ARHGAP6: variants seen among roughly 807,000 people sequenced by gnomAD.
ARHGAP6 encodes the protein rho GTPase-activating protein 6.
In ARHGAP6, 16 loss-of-function variants were observed where a neutral mutation model predicts 55.7. The observed-to-expected ratio is 0.29, with a 90% CI of 0.19 to 0.44. The LOEUF is 0.44. ARHGAP6 is among the 20% of genes least tolerant of loss of function. The pLI, the probability that ARHGAP6 is intolerant of heterozygous loss-of-function variation, is 1.00. For missense variants in ARHGAP6, 698 were observed against 808.9 expected (o/e 0.86, Z 1.66); for synonymous variants, 382 against 360.9 (o/e 1.06, Z -0.66).
At chrX:11,359,615 C>A (rs950956541) in intron 1 of ARHGAP6, among the ~76,000 whole-genome samples, 7 of 111,817 alleles carry the variant, frequency 6.3e-5, no homozygotes, top group African/African-American at 2.3e-4. Context: ...CCAGAGCAAA[C>A]ACATTCAAAA....
At chrX:11,359,025 A>C (rs541060930) in intron 1 of ARHGAP6, among the ~76,000 whole-genome samples, 45 of 112,425 alleles carry the variant, frequency 4.0e-4, no homozygotes, top group African/African-American at 1.4e-3. Flanking sequence ...TTGATTTAGA[A>C]GAATTCTGTA....
intron 1 of ARHGAP6, among the ~76,000 whole-genome samples, chrX:11,523,222 A>G (rs1228851981): frequency 9.0e-6 from 1 of 111,659 alleles, no homozygotes; most frequent in Non-Finnish European, 1.9e-5. Flanking sequence ...TTAGGTATTG[A>G]TGGGACATAT....
At chrX:11,178,816 ACCT>A (rs897823101) in intron 7 of ARHGAP6, among the ~76,000 whole-genome samples, 4 of 110,890 alleles carry the variant, frequency 3.6e-5, no homozygotes, top group African/African-American at 9.9e-5. Context: ...TCTCTCCTCT[ACCT>A]CCTCCTTTTT....
Position 11,600,056 on chromosome X carries a change from C to T in ARHGAP6, c.588+64185G>A, listed in dbSNP as rs139669036. ...CATAATACCCTATGTTCTAGGGAAG[C>T]TCTTTTTTCTGGAAACTCTCATAGG... On this transcript the variant is annotated intron_variant, in intron 1 of 12. Transcript: ENST00000337414. Among the ~76,000 whole-genome samples, 454 of 111,544 alleles carry T rather than the reference C, an allele frequency of 4.1e-3. 1 individual carries two copies. The highest frequency in any genetic ancestry group is 0.013 in the African/African-American group (403 of 30,680).
chrX:11,226,326 C>T (rs963015347), intron 2 of ARHGAP6, among the ~76,000 whole-genome samples: 1 of 110,401 alleles, frequency 9.1e-6, no homozygotes, highest in Non-Finnish European at 1.9e-5. Flanking sequence ...TGAACTCATC[C>T]TTTTTTTTGG....
chrX:11,596,194 T>A (rs2051899882), intron 1 of ARHGAP6, among the ~76,000 whole-genome samples: 1 of 111,939 alleles, frequency 8.9e-6, no homozygotes, highest in Admixed American at 9.4e-5. Flanking sequence ...AATAATAGAC[T>A]GGATAAAGAA....
intron 1 of ARHGAP6, among the ~76,000 whole-genome samples, chrX:11,511,591 G>A (rs148096569): frequency 0.075 from 8,341 of 111,712 alleles, 370 homozygotes; most frequent in East Asian, 0.18. Flanking sequence ...TGGGACTGAA[G>A]GTCTAGAGAC....
intron 1 of ARHGAP6, among the ~76,000 whole-genome samples, chrX:11,401,165 G>A (rs1022128129): frequency 9.0e-5 from 10 of 111,251 alleles, no homozygotes; most frequent in African/African-American, 2.9e-4. Context: ...GGAAAAGCAC[G>A]GGATTCCTGG....
At chrX:11,195,698 A>G (rs751917298) in intron 3 of ARHGAP6, among the ~76,000 whole-genome samples, 1 of 109,926 alleles carries the variant, frequency 9.1e-6, no homozygotes, top group South Asian at 3.9e-4. Context: ...TTGAAAAACC[A>G]CTTATTGGGT....
intron 1 of ARHGAP6, among the ~76,000 whole-genome samples, chrX:11,629,269 C>T (rs2052334392): frequency 9.0e-6 from 1 of 111,451 alleles, no homozygotes; most frequent in Non-Finnish European, 1.9e-5. Context: ...TGAGTGTGGT[C>T]ACCCCATCTT....
At position 11,618,395 on chromosome X, in the gene ARHGAP6, T is replaced by C. The variant is rs758059371; in HGVS notation, c.588+45846A>G. Reference sequence around the variant, plus strand: ...GATAAATTACGTTGCATGTCAGCTTTCCTTCAAAATGAAGGATTCTACCAA... The same window carrying C: ...GATAAATTACGTTGCATGTCAGCTTCCCTTCAAAATGAAGGATTCTACCAA... On this transcript the variant is annotated intron_variant, in intron 1 of 12. Coordinates refer to ENST00000337414, the MANE Select transcript of ARHGAP6 (RefSeq NM_013427.3). 3.0e-3 allele frequency among the ~76,000 whole-genome samples: 337 copies of C among 112,564 alleles called. 1 individual carries two copies. The highest frequency in any genetic ancestry group is 4.9e-3 in the Non-Finnish European group (261 of 53,281).
intron 1 of ARHGAP6, among the ~76,000 whole-genome samples, chrX:11,432,746 T>C (rs184105405): frequency 6.3e-5 from 7 of 111,652 alleles, no homozygotes; most frequent in Non-Finnish European, 7.5e-5. Context: ...ATGTGTCTCC[T>C]GTAAGTGAAG....
At chrX:11,142,210 A>C in intron 12 of ARHGAP6, 23 bp downstream of exon 12, 1 of 1,094,131 alleles carries the variant, frequency 9.1e-7, no homozygotes, top group Non-Finnish European at 1.2e-6. Context: ...TAAATGCAAT[A>C]AAGTTTAAAA....
At position 11,665,659 on chromosome X, in the gene ARHGAP6, T is replaced by C. The variant is rs1257067717; in HGVS notation, c.-831A>G. The C allele has an allele frequency of 8.9e-6, 1 of 112,852 alleles. No individual in the cohort carries two copies. The highest frequency in any genetic ancestry group is 1.9e-5 in the Non-Finnish European group (1 of 53,267). 9.3% of individuals were successfully genotyped at this position (112,852 alleles called of 1,213,427 possible). ...CAGGAGACAGCCCCAAGGCCGGGTGTGTGTGTTCCGCCGGAGAGGAACACG... is the reference window on the plus strand; with the variant it reads ...CAGGAGACAGCCCCAAGGCCGGGTGCGTGTGTTCCGCCGGAGAGGAACACG... On this transcript the variant is annotated 5_prime_UTR_variant, in exon 1 of 13. Coordinates refer to ENST00000337414, the MANE Select transcript of ARHGAP6 (RefSeq NM_013427.3).
At chrX:11,308,282 G>A (rs941526521) in intron 1 of ARHGAP6, among the ~76,000 whole-genome samples, 3 of 111,367 alleles carry the variant, frequency 2.7e-5, no homozygotes, top group African/African-American at 3.3e-5. Flanking sequence ...TGAACACTTC[G>A]GTAACAATCT....
intron 1 of ARHGAP6, among the ~76,000 whole-genome samples, chrX:11,546,881 A>AG (rs2051216709): frequency 8.9e-6 from 1 of 112,296 alleles, no homozygotes; most frequent in Non-Finnish European, 1.9e-5. Flanking sequence ...GGAAATAAAA[A>AG]GGGAGAAAAT....
Position 11,664,413 on chromosome X carries a change from A to G in ARHGAP6, c.416T>C (p.Leu139Pro), listed in dbSNP as rs756671029. 1.1e-5 allele frequency: 13 copies of G among 1,211,041 alleles called. No individual in the cohort carries two copies. In the Admixed American group the frequency reaches 2.0e-4, roughly 18 times the overall value. Residue 139 changes from leucine to proline, a missense_variant, in exon 1 of 13, where the codon CTG (leucine) becomes CCG (proline). Leu to Pro is a moderately conservative substitution (Grantham distance 98). This residue lies in a region of ARHGAP6 where 164 missense variants were observed against 149.2 expected (regional missense o/e 1.10). Transcript: ENST00000337414. Reference protein sequence around the residue: ...GGLKKSMAWDLPSVLAGPASS... With the variant: ...GGLKKSMAWDPPSVLAGPASS... Reference sequence around the variant, plus strand: ...GGCTGGCCCGGCCAGGACAGAAGGCAGGTCCCAGGCCATGCTCTTCTTGAG... The same window carrying G: ...GGCTGGCCCGGCCAGGACAGAAGGCGGGTCCCAGGCCATGCTCTTCTTGAG...
At chrX:11,661,730 G>A (rs990781988) in intron 1 of ARHGAP6, among the ~76,000 whole-genome samples, 8 of 112,262 alleles carry the variant, frequency 7.1e-5, no homozygotes, top group Admixed American at 4.7e-4. Context: ...AAACGAAGGC[G>A]CCAACAAAGT....
At chrX:11,568,585 T>C (rs1601653169) in intron 1 of ARHGAP6, among the ~76,000 whole-genome samples, 1 of 110,811 alleles carries the variant, frequency 9.0e-6, no homozygotes, top group Admixed American at 9.6e-5. Context: ...GGCAAAACCC[T>C]GTCTCTACTA....
Sources: allele counts gnomAD v4.1 joint callset (sites outside exome capture counted in the v4.1 genomes callset), GRCh38; gene constraint gnomAD v4.1.1; regional missense constraint gnomAD v4.1.1; transcripts MANE v1.5; gene names NCBI Gene and HGNC (gene_info 2026-07-23, HGNC 2026-07-21).